The following ADHFE1 variants were observed in gnomAD, a reference collection of about 807,000 sequenced individuals.
ADHFE1 encodes alcohol dehydrogenase iron containing 1, also known as hydroxyacid-oxoacid transhydrogenase, mitochondrial.
A neutral mutation model predicts 54.8 loss-of-function variants in ADHFE1; 37 were observed. The observed-to-expected ratio is 0.68, with a 90% CI of 0.52 to 0.89. The LOEUF (loss-of-function observed/expected upper bound fraction) is 0.89. Among genes scored for constraint, ADHFE1 ranks in the 40% least tolerant of loss-of-function variants. ADHFE1 has a pLI of 0.00. For synonymous variants in ADHFE1, 203 were observed against 229.3 expected, an observed-to-expected ratio of 0.89 and a Z score of 1.04; for missense variants, 601 against 591.2, an observed-to-expected ratio of 1.02 and a Z score of -0.17.
chr8:66,461,362 A>G (rs1806889192), intron 13 of ADHFE1, among the ~76,000 whole-genome samples: 1 of 152,174 alleles, frequency 6.6e-6, no homozygotes, highest in Non-Finnish European at 1.5e-5. Flanking sequence ...GAACAGAGTT[A>G]GCAGCTGAAA....
At position 66,443,264 on chromosome 8, in the gene ADHFE1, A is replaced by ATTTTTTTTTTTTTTTTTTTT. The variant is rs540464621; in HGVS notation, c.144+433_144+452dup. Among the ~76,000 whole-genome samples the ATTTTTTTTTTTTTTTTTTTT allele has an allele frequency of 7.0e-5, 6 of 86,094 alleles. 2 individuals carry two copies. The highest frequency in any genetic ancestry group is 3.2e-4 in the East Asian group (1 of 3,168). 56.5% of individuals were successfully genotyped at this position (86,094 alleles called of 152,430 possible). On this transcript the variant is annotated intron_variant, in intron 3 of 13. Transcript: ENST00000396623. ...GTCCCTGTCTCCTCCTAGTCCAGGA[A>ATTTTTTTTTTTTTTTTTTTT]TTTTTTTTTTTTTTTTTTTTTTTTT...
intron 12 of ADHFE1, chr8:66,459,459 G>T (rs1039201558): frequency 1.9e-4 from 27 of 141,470 alleles, no homozygotes. Flanking sequence ...CAGAGACAGG[G>T]TCTCACTGCT....
rs535485280 is a variant in ADHFE1 at position 66,456,975 on chromosome 8, T to C, written c.1065+80T>C. On this transcript the variant is annotated intron_variant, in intron 11 of 13. Coordinates refer to ENST00000396623, the MANE Select transcript of ADHFE1 (RefSeq NM_144650.3). ...ATAAATATATTTGCCAATTCTCGCC[T>C]GCTTAGAGTATGGGGTAAAGTAACT... The C allele has an allele frequency of 3.1e-4, 452 of 1,471,732 alleles. 3 individuals carry two copies. The African/African-American group carries it at 5.5e-3, about 18-fold the overall frequency. The allele number at this position is 1,471,732 out of a possible 1,614,324, so 91.2% of individuals were successfully genotyped here.
chr8:66,442,873 T>C, intron 3 of ADHFE1, 29 bp downstream of exon 3: 2 of 1,501,470 alleles, frequency 1.3e-6, no homozygotes, highest in Non-Finnish European at 1.8e-6. Flanking sequence ...TTATTTCTTT[T>C]ATGAATGACT....
At chr8:66,446,578 G>A (rs964297542) in intron 6 of ADHFE1, among the ~76,000 whole-genome samples, 2 of 152,116 alleles carry the variant, frequency 1.3e-5, no homozygotes, top group African/African-American at 2.4e-5. Context: ...TGTTAACACA[G>A]GTACAGAGAT....
intron 1 of ADHFE1, among the ~76,000 whole-genome samples, chr8:66,436,639 G>C (rs939707588): frequency 7.2e-5 from 11 of 152,148 alleles, no homozygotes; most frequent in African/African-American, 2.7e-4. Flanking sequence ...AAGTGGGCAG[G>C]TGAACCTGGA....
chr8:66,434,959 A>G (rs946835386), intron 1 of ADHFE1, among the ~76,000 whole-genome samples: 1 of 148,818 alleles, frequency 6.7e-6, no homozygotes, highest in African/African-American at 2.5e-5. Flanking sequence ...AGCCTGGGCT[A>G]CAGAGCAAGA....
Position 66,451,993 on chromosome 8 carries a change from C to T in ADHFE1, c.775C>T (p.Arg259Trp), listed in dbSNP as rs772246039. 1.2e-5 allele frequency: 20 copies of T among 1,614,172 alleles called. No individual in the cohort carries two copies. Among genetic ancestry groups the T allele is most frequent in the Admixed American group, 6.7e-5 (4 of 60,024 alleles). The change falls in exon 9 of 14, where the codon CGG becomes TGG. Residue 259 changes from arginine (R) to tryptophan (W), a missense_variant. Transcript: ENST00000396623. ...ESYTTLPYHL[R>W]SPCPSNPITR... The stretch of plus-strand genomic sequence containing the variant: ...ATACACCACCCTGCCCTACCACCTG[C>T]GGAGCCCCTGCCCTTCAAATCCCAT...
intron 1 of ADHFE1, among the ~76,000 whole-genome samples, chr8:66,437,508 G>A (rs980721465): frequency 2.6e-5 from 4 of 152,108 alleles, no homozygotes; most frequent in African/African-American, 9.7e-5. Context: ...GTGCCTTCAG[G>A]CCATCCTAAG....
chr8:66,467,224 C>T (rs1269765248), intron 13 of ADHFE1, among the ~76,000 whole-genome samples: 4 of 152,250 alleles, frequency 2.6e-5, no homozygotes, highest in Admixed American at 2.0e-4. Context: ...GACTGACACT[C>T]CTGCTGATGA....
At chr8:66,460,902 A>G (rs2555582) in intron 13 of ADHFE1, among the ~76,000 whole-genome samples, 99,869 of 152,214 alleles carry the variant, frequency 0.66, 33,991 homozygotes, top group African/African-American at 0.83. Flanking sequence ...GAATAGGCAT[A>G]GCCTTTCAAT....
chr8:66,456,627 G>C (rs1169001397), intron 10 of ADHFE1, among the ~76,000 whole-genome samples, 190 bp from the exon 11 acceptor site: 1 of 152,214 alleles, frequency 6.6e-6, no homozygotes, highest in Non-Finnish European at 1.5e-5. Flanking sequence ...CAGAGGTTTT[G>C]TTAATGAATG....
rs1017597853 is a variant in ADHFE1 at position 66,445,266 on chromosome 8, T to C, written c.402T>C (p.Tyr134=). The C allele has an allele frequency of 1.5e-5, 25 of 1,613,622 alleles. No homozygotes were observed. Among genetic ancestry groups the C allele is most frequent in the Non-Finnish European group, 2.1e-5 (25 of 1,179,950 alleles). ...CCCAAAAGGGAGCTTTTGATGCCTA[T>C]GTTGCTGTCGGTGGTGGCTCTACCA... ...EFAQKGAFDA[Y]VAVGGGSTMD... is the part of the protein sequence containing the mutation. The change falls in exon 6 of 14, where the codon TAT becomes TAC. Residue 134 remains tyrosine (Y), a synonymous_variant. Transcript: ENST00000396623.
chr8:66,432,885 A>C lies in ADHFE1; in HGVS notation c.59+310A>C, dbSNP rs1274670415. The C allele has an allele frequency of 2.5e-6, 3 of 1,190,986 alleles. No individual in the cohort carries two copies. In the African/African-American group the frequency reaches 4.7e-5, roughly 19 times the overall value. 73.8% of individuals were successfully genotyped at this position (1,190,986 alleles called of 1,614,324 possible). ...AGAGCTTGGCACGGTGGCCAAGACAAATTCATGTATGCAATTGACACATAT... is the reference window on the plus strand; with the variant it reads ...AGAGCTTGGCACGGTGGCCAAGACACATTCATGTATGCAATTGACACATAT... On this transcript the variant is annotated intron_variant, in intron 1 of 13. Coordinates refer to ENST00000396623, the MANE Select transcript of ADHFE1 (RefSeq NM_144650.3).
Position 66,444,586 on chromosome 8 carries a change from T to G in ADHFE1, c.199-8T>G. 6.2e-7 allele frequency: 1 copy of G among 1,613,978 alleles called. No individual in the cohort carries two copies. Among genetic ancestry groups the G allele is most frequent in the East Asian group, 2.2e-5 (1 of 44,880 alleles). On this transcript the variant is annotated splice_polypyrimidine_tract_variant and splice_region_variant and intron_variant, in intron 4 of 13. Coordinates refer to ENST00000396623, the MANE Select transcript of ADHFE1 (RefSeq NM_144650.3). ...GGAGTTGAACCTAACTTATAGGTTTTCTTGTAGGACCTAAAAAACATGGGT... is the reference window on the plus strand; with the variant it reads ...GGAGTTGAACCTAACTTATAGGTTTGCTTGTAGGACCTAAAAAACATGGGT...
chr8:66,467,663 C>T (rs747318186), intron 13 of ADHFE1, among the ~76,000 whole-genome samples: 10 of 152,196 alleles, frequency 6.6e-5, no homozygotes, highest in African/African-American at 1.7e-4. Flanking sequence ...CCCCTGTCCC[C>T]GAGAAGCTAC....
At chr8:66,453,106 G>C (rs776516628) in intron 9 of ADHFE1, among the ~76,000 whole-genome samples, 1 of 152,182 alleles carries the variant, frequency 6.6e-6, no homozygotes, top group Non-Finnish European at 1.5e-5. Flanking sequence ...AAACAGACAC[G>C]CATCATGGGG....
intron 8 of ADHFE1, among the ~76,000 whole-genome samples, 185 bp downstream of exon 8, chr8:66,449,155 T>C (rs1806176017): frequency 6.6e-6 from 1 of 152,224 alleles, no homozygotes; most frequent in Admixed American, 6.5e-5. Context: ...AGGTGACATC[T>C]GGTGTGGGCC....
chr8:66,457,215 C>T (rs1267233174), intron 12 of ADHFE1, 49 bp downstream of exon 12: 23 of 1,558,106 alleles, frequency 1.5e-5, no homozygotes, highest in Non-Finnish European at 1.9e-5. Flanking sequence ...ACGGTGGCTC[C>T]CATCTGTAAT....
Sources: allele counts gnomAD v4.1 joint callset (sites outside exome capture counted in the v4.1 genomes callset), GRCh38; gene constraint gnomAD v4.1.1; transcripts MANE v1.5; gene names NCBI Gene and HGNC (gene_info 2026-07-23, HGNC 2026-07-21).